TMEM232: variants seen among roughly 807,000 people sequenced by gnomAD.
TMEM232 encodes transmembrane protein 232.
In TMEM232, 80 loss-of-function variants were observed where a neutral mutation model predicts 78.8. That is an observed-to-expected ratio of 1.01 (90% confidence interval 0.85 to 1.22). The LOEUF is 1.22. TMEM232 is among the 50% of genes most tolerant of loss of function. The probability of loss-of-function intolerance (pLI) is 0.00; values close to 1 mark genes in which losing one functional copy is unlikely to be tolerated. For synonymous variants in TMEM232, 297 were observed against 254.3 expected (o/e 1.17, Z -1.60); for missense variants, 881 against 742.2 (o/e 1.19, Z -2.17).
At chr5:110,445,853 G>A (rs1251277744) in intron 12 of TMEM232, among the ~76,000 whole-genome samples, 1 of 152,136 alleles carries the variant, frequency 6.6e-6, no homozygotes. Context: ...TATTTCAGAG[G>A]AGTGAGTGAA....
chr5:110,570,260 C>A (rs1323054778), intron 10 of TMEM232, among the ~76,000 whole-genome samples: 2 of 151,872 alleles, frequency 1.3e-5, no homozygotes, highest in East Asian at 3.9e-4. Context: ...ACATATAAAA[C>A]AAGTTTTTTG....
chr5:110,731,706 T>C (rs185037457), intron 2 of TMEM232, among the ~76,000 whole-genome samples: 48 of 152,288 alleles, frequency 3.2e-4, no homozygotes, highest in African/African-American at 1.1e-3. Context: ...ATGGGGACTC[T>C]GGGGCCAGCC....
At chr5:110,392,737 A>G (rs970738625) in intron 3 of TMEM232, among the ~76,000 whole-genome samples, 1 of 152,166 alleles carries the variant, frequency 6.6e-6, no homozygotes, top group Non-Finnish European at 1.5e-5. Flanking sequence ...ATACCACCAT[A>G]TTGTGGGTTA....
intron 11 of TMEM232, among the ~76,000 whole-genome samples, chr5:110,557,463 A>C (rs1273377529): frequency 6.6e-6 from 1 of 152,180 alleles, no homozygotes; most frequent in Non-Finnish European, 1.5e-5. Context: ...ATCCATTCTC[A>C]TACTGCTATA....
At chr5:110,465,957 C>A (rs532983181) in intron 12 of TMEM232, among the ~76,000 whole-genome samples, 1 of 152,144 alleles carries the variant, frequency 6.6e-6, no homozygotes, top group South Asian at 2.1e-4. Context: ...ATAATACATT[C>A]ATTCTAGATA....
chr5:110,646,885 G>A (rs1012062158), intron 2 of TMEM232, among the ~76,000 whole-genome samples: 2 of 151,356 alleles, frequency 1.3e-5, no homozygotes, highest in Non-Finnish European at 3.0e-5. Flanking sequence ...GACCTGAATC[G>A]ATATTTCTCA....
chr5:110,456,849 C>T (rs905552795), intron 12 of TMEM232, among the ~76,000 whole-genome samples: 25 of 152,168 alleles, frequency 1.6e-4, no homozygotes, highest in African/African-American at 6.0e-4. Context: ...AACTTTGACA[C>T]ATACCTTCCA....
chr5:110,502,602 A>G (rs1294166352), intron 12 of TMEM232, among the ~76,000 whole-genome samples: 1 of 152,166 alleles, frequency 6.6e-6, no homozygotes, highest in Non-Finnish European at 1.5e-5. Flanking sequence ...TGCACTTAGA[A>G]TATAACTGGA....
downstream of TMEM232, among the ~76,000 whole-genome samples, chr5:110,415,437 T>C (rs898045975): frequency 3.9e-5 from 6 of 151,918 alleles, no homozygotes; most frequent in Non-Finnish European, 5.9e-5. Flanking sequence ...TCCACCCACG[T>C]TGGCCTCCCC....
chr5:110,413,138 T>G (rs311714), intron 2 of TMEM232, among the ~76,000 whole-genome samples: 41,902 of 151,846 alleles, frequency 0.28, 9,572 homozygotes, highest in African/African-American at 0.62. Flanking sequence ...ACCCTCAATG[T>G]GGGTGGGCAT....
chr5:110,650,529 G>A (rs73228116), intron 2 of TMEM232, among the ~76,000 whole-genome samples: 4,425 of 152,200 alleles, frequency 0.029, 220 homozygotes, highest in African/African-American at 0.1. Flanking sequence ...GATGTGATGT[G>A]ATGAGAATGG....
chr5:110,645,621 T>C (rs1579298), intron 2 of TMEM232, among the ~76,000 whole-genome samples: 138,334 of 151,670 alleles, frequency 0.91, 63,112 homozygotes, highest in East Asian at 0.94. Context: ...ATATCATAAT[T>C]AATGAAAGAA....
intron 8 of TMEM232, among the ~76,000 whole-genome samples, chr5:110,607,040 T>G (rs896767362): frequency 6.6e-6 from 1 of 152,022 alleles, no homozygotes; most frequent in Non-Finnish European, 1.5e-5. Flanking sequence ...CAAGATTATT[T>G]GAATTTCACA....
intron 12 of TMEM232, among the ~76,000 whole-genome samples, chr5:110,484,652 G>A (rs939855731): frequency 4.6e-5 from 7 of 151,860 alleles, no homozygotes; most frequent in South Asian, 2.1e-4. Flanking sequence ...AAAATAGAGC[G>A]GGAGTGTCTA....
At chr5:110,446,119 T>C (rs1759620111) in intron 12 of TMEM232, among the ~76,000 whole-genome samples, 1 of 152,110 alleles carries the variant, frequency 6.6e-6, no homozygotes, top group South Asian at 2.1e-4. Flanking sequence ...TCTATAGGCC[T>C]TTTTTCTTGT....
chr5:110,669,794 G>T (rs887358402), intron 1 of TMEM232, among the ~76,000 whole-genome samples: 1 of 152,106 alleles, frequency 6.6e-6, no homozygotes, highest in African/African-American at 2.4e-5. Context: ...TGATCAAGTG[G>T]GCTTCATCAC....
intron 11 of TMEM232, among the ~76,000 whole-genome samples, chr5:110,556,361 C>CCCTTCCCTTCCCT (rs1561682600): frequency 1.1e-4 from 15 of 132,998 alleles, no homozygotes; most frequent in East Asian, 8.2e-4. Context: ...TTCCCTTCCC[C>CCCTTCCCTTCCCT]TTCCTTCCTT....
intron 12 of TMEM232, among the ~76,000 whole-genome samples, chr5:110,501,898 G>A (rs943777349): frequency 6.6e-6 from 1 of 152,082 alleles, no homozygotes; most frequent in Non-Finnish European, 1.5e-5. Flanking sequence ...TAATCTTGTA[G>A]GGAAGTGAAA....
At chr5:110,671,373 T>C (rs948098501) in intron 1 of TMEM232, among the ~76,000 whole-genome samples, 3 of 152,158 alleles carry the variant, frequency 2.0e-5, no homozygotes, top group African/African-American at 7.2e-5. Flanking sequence ...AGAAATACCA[T>C]TTGACCCAGC....
Sources: allele counts gnomAD v4.1 joint callset (sites outside exome capture counted in the v4.1 genomes callset), GRCh38; gene constraint gnomAD v4.1.1; transcripts MANE v1.5; gene names NCBI Gene and HGNC (gene_info 2026-07-23, HGNC 2026-07-21).